Variants in SOX6 observed in about 807,000 individuals in gnomAD.
SOX6 encodes the protein transcription factor SOX-6.
Under a neutral mutation model 97.8 loss-of-function variants are expected in SOX6, and 11 were observed. That is an observed-to-expected ratio of 0.11 (90% CI 0.07 to 0.19). SOX6 has a LOEUF of 0.19. Among genes scored for constraint, SOX6 ranks in the 10% least tolerant of loss-of-function variants. The probability of loss-of-function intolerance (pLI) is 1.00; values close to 1 mark genes in which losing one functional copy is unlikely to be tolerated. For synonymous variants in SOX6, 360 were observed against 371.4 expected, an observed-to-expected ratio of 0.97 and a Z score of 0.35; for missense variants, 810 against 1,039.5, an observed-to-expected ratio of 0.78 and a Z score of 3.04.
intron 4 of SOX6, among the ~76,000 whole-genome samples, chr11:16,497,869 G>T (rs377518851): frequency 1.3e-5 from 2 of 152,210 alleles, no homozygotes; most frequent in Non-Finnish European, 2.9e-5. Flanking sequence ...ACGGGGAGAA[G>T]GGAACCAAGT....
chr11:15,981,313 T>C (rs1281177432), intron 15 of SOX6, among the ~76,000 whole-genome samples: 1 of 152,048 alleles, frequency 6.6e-6, no homozygotes, highest in Non-Finnish European at 1.5e-5. Flanking sequence ...TAAGAACCCT[T>C]CCTCCCAGTC....
chr11:16,330,109 T>C (rs1204706065), intron 2 of SOX6, among the ~76,000 whole-genome samples: 4 of 152,144 alleles, frequency 2.6e-5, no homozygotes, highest in Non-Finnish European at 5.9e-5. Flanking sequence ...TGCCCTAAAC[T>C]CAATATACTC....
intron 2 of SOX6, among the ~76,000 whole-genome samples, chr11:16,735,436 T>C (rs1848384254): frequency 6.6e-6 from 1 of 152,198 alleles, no homozygotes. Flanking sequence ...TTATTTGTAA[T>C]TTACTGATGC....
At chr11:16,689,027 T>C (rs1847991736) in intron 3 of SOX6, among the ~76,000 whole-genome samples, 1 of 152,230 alleles carries the variant, frequency 6.6e-6, no homozygotes. Context: ...TTCTGAGTTT[T>C]CTACCTTATG....
intron 1 of SOX6, among the ~76,000 whole-genome samples, chr11:16,395,574 T>C (rs1203229991): frequency 6.6e-6 from 1 of 151,726 alleles, no homozygotes; most frequent in African/African-American, 2.4e-5. Flanking sequence ...AGACAAGAGC[T>C]GAGGCTGGCA....
At chr11:16,408,337 A>T (rs1055999111) in intron 1 of SOX6, among the ~76,000 whole-genome samples, 1 of 152,210 alleles carries the variant, frequency 6.6e-6, no homozygotes, top group African/African-American at 2.4e-5. Flanking sequence ...GCATATCAGA[A>T]AAGGAAAGGA....
At chr11:16,181,601 T>C (rs1381566755) in intron 6 of SOX6, among the ~76,000 whole-genome samples, 1 of 151,524 alleles carries the variant, frequency 6.6e-6, no homozygotes, top group Non-Finnish European at 1.5e-5. Flanking sequence ...AATACCTGTT[T>C]TGTAAGTCTC....
chr11:16,507,680 T>C lies in SOX6; in HGVS notation n.610-31292A>G, dbSNP rs115657081. 3.1e-3 allele frequency among the ~76,000 whole-genome samples: 477 copies of C among 152,272 alleles called. 4 individuals carry two copies. The highest frequency in any genetic ancestry group is 0.011 in the African/African-American group (450 of 41,558). On this transcript the variant is annotated intron_variant and non_coding_transcript_variant, in intron 4 of 5. Coordinates refer to the SOX6 transcript ENST00000524520. ...ACATTGGGGAAAAGACACCCTCTTC[T>C]AGAAATGATGCTGGGAAAATTGGAT...
At chr11:16,335,791 C>T (rs1237563331) in intron 2 of SOX6, among the ~76,000 whole-genome samples, 1 of 151,842 alleles carries the variant, frequency 6.6e-6, no homozygotes, top group Admixed American at 6.5e-5. Context: ...CAAAACACTC[C>T]AGAGTTGATT....
chr11:16,525,069 T>C (rs373809913), intron 4 of SOX6, among the ~76,000 whole-genome samples: 4 of 152,114 alleles, frequency 2.6e-5, no homozygotes, highest in African/African-American at 4.8e-5. Context: ...AGGTAATTTA[T>C]AGATTCAATG....
intron 9 of SOX6, among the ~76,000 whole-genome samples, chr11:16,066,540 T>C (rs866283804): frequency 5.3e-5 from 8 of 152,304 alleles, no homozygotes; most frequent in Middle Eastern, 6.8e-3. Flanking sequence ...GAAAATGTGG[T>C]ACTTATACAC....
chr11:16,412,758 C>T (rs1274546049), intron 1 of SOX6, among the ~76,000 whole-genome samples: 4 of 152,162 alleles, frequency 2.6e-5, no homozygotes, highest in African/African-American at 9.7e-5. Context: ...CTCAGGCAGG[C>T]TCTCCCCTTT....
chr11:16,481,452 T>G (rs1178564122), intron 4 of SOX6, among the ~76,000 whole-genome samples: 1 of 152,202 alleles, frequency 6.6e-6, no homozygotes, highest in Non-Finnish European at 1.5e-5. Context: ...TCCACCACTC[T>G]GCTGTTCTGG....
intron 4 of SOX6, among the ~76,000 whole-genome samples, chr11:16,586,998 T>C (rs1370889433): frequency 6.6e-6 from 1 of 152,204 alleles, no homozygotes; most frequent in Non-Finnish European, 1.5e-5. Context: ...AGGGTTATGA[T>C]GTACAAGACT....
At chr11:16,498,728 G>C (rs1860652392) in intron 4 of SOX6, among the ~76,000 whole-genome samples, 1 of 152,162 alleles carries the variant, frequency 6.6e-6, no homozygotes, top group East Asian at 1.9e-4. Context: ...TTACATAATG[G>C]TAAAAGGATC....
chr11:16,219,251 C>A (rs1852467635), intron 4 of SOX6, among the ~76,000 whole-genome samples: 1 of 151,970 alleles, frequency 6.6e-6, no homozygotes, highest in Non-Finnish European at 1.5e-5. Flanking sequence ...CAGTTGTATT[C>A]ATCTCTTATT....
intron 1 of SOX6, among the ~76,000 whole-genome samples, chr11:16,467,514 C>T (rs1163070398): frequency 1.3e-5 from 2 of 152,112 alleles, no homozygotes; most frequent in African/African-American, 4.8e-5. Context: ...AGGCCATTAT[C>T]GTTGGCAAAC....
chr11:16,649,558 GACAA>G (rs1185672580), intron 3 of SOX6, among the ~76,000 whole-genome samples: 1 of 152,130 alleles, frequency 6.6e-6, no homozygotes, highest in Non-Finnish European at 1.5e-5. Context: ...GCCTTCTTCA[GACAA>G]ACAAATGCTG....
intron 3 of SOX6, among the ~76,000 whole-genome samples, chr11:16,281,056 A>G (rs1019846919): frequency 2.6e-5 from 4 of 152,106 alleles, no homozygotes; most frequent in African/African-American, 9.7e-5. Context: ...GACAGTAGAA[A>G]GAGGATAAAC....
Sources: gnomAD v4.1 joint callset for allele counts (sites outside exome capture counted in the v4.1 genomes callset) on GRCh38, gnomAD v4.1.1 for gene constraint, MANE v1.5 for transcripts, NCBI Gene and HGNC (gene_info 2026-07-23, HGNC 2026-07-21) for gene names.